CAMK2A: variants seen among roughly 807,000 people sequenced by gnomAD.
CAMK2A encodes calcium/calmodulin dependent protein kinase II alpha, also known as calcium/calmodulin-dependent protein kinase type II subunit alpha.
CAMK2A carries 7 observed loss-of-function variants against 79.2 expected under a neutral mutation model. The observed-to-expected ratio is 0.09, with a 90% confidence interval of 0.05 to 0.17. CAMK2A has a LOEUF of 0.17. Ranked by LOEUF, CAMK2A falls within the 10% of genes least tolerant of loss-of-function variation. The pLI, the probability that CAMK2A is intolerant of heterozygous loss-of-function variation, is 1.00. For missense variants in CAMK2A, 214 were observed against 646.4 expected (o/e 0.33, Z 7.25); for synonymous variants, 242 against 251.7 (o/e 0.96, Z 0.36).
At chr5:150,283,027 G>A (rs1757278668) in intron 1 of CAMK2A, among the ~76,000 whole-genome samples, 1 of 152,228 alleles carries the variant, frequency 6.6e-6, no homozygotes, top group African/African-American at 2.4e-5. Context: ...GCAGACATAA[G>A]ATGTTGGGGA....
intron 1 of CAMK2A, among the ~76,000 whole-genome samples, chr5:150,275,395 C>G (rs1242072220): frequency 6.6e-6 from 1 of 152,044 alleles, no homozygotes; most frequent in Non-Finnish European, 1.5e-5. Context: ...TTTTTCACAC[C>G]AACTGATGCT....
Position 150,253,434 on chromosome 5 carries a change from C to T in CAMK2A, c.514+10G>A, listed in dbSNP as rs1189685818. The T allele has an allele frequency of 1.2e-6, 2 of 1,607,488 alleles. No homozygotes were observed. Among genetic ancestry groups the T allele is most frequent in the South Asian group, 2.2e-5 (2 of 90,956 alleles). ...GACCCCCAACACTTCTGCCAGCCCACCCCACTTACCAAACCATGCCTGCTG... is the reference window on the plus strand; with the variant it reads ...GACCCCCAACACTTCTGCCAGCCCATCCCACTTACCAAACCATGCCTGCTG... On this transcript the variant is annotated intron_variant, in intron 7 of 18. Transcript: ENST00000671881.
rs1308961365 is a variant in CAMK2A, at chr5:150,284,185, CAG to C, written c.62+5377_62+5378del. 6.6e-6 allele frequency among the ~76,000 whole-genome samples: 1 copy of C among 152,010 alleles called. No individual in the cohort carries two copies. The highest frequency in any genetic ancestry group is 1.5e-5 in the Non-Finnish European group (1 of 67,972). ...CAGAGAGACAGAGACAGAGTGAGACCAGAGAGATGGAGAGAAGAACACAGAGA... is the reference window on the plus strand; with the variant it reads ...CAGAGAGACAGAGACAGAGTGAGACCAGAGATGGAGAGAAGAACACAGAGA... On this transcript the variant is annotated intron_variant, in intron 1 of 18. Transcript: ENST00000671881. This position sits in a 1 kb window ranked among gnomAD's most constrained non-coding sequence, Gnocchi z 5.3.
intron 7 of CAMK2A, 142 bp downstream of exon 7, chr5:150,253,302 G>A: frequency 1.2e-5 from 8 of 669,442 alleles, no homozygotes; most frequent in Non-Finnish European, 1.4e-5. Flanking sequence ...GGCTGGGTGG[G>A]ACAGGGCCTC....
At chr5:150,281,261 T>A (rs1370951080) in intron 1 of CAMK2A, among the ~76,000 whole-genome samples, 2 of 152,254 alleles carry the variant, frequency 1.3e-5, no homozygotes, top group Non-Finnish European at 2.9e-5. Flanking sequence ...TTCAGAAAGT[T>A]CCTGGTCAAA....
chr5:150,236,660 T>C (rs913072466), intron 15 of CAMK2A, among the ~76,000 whole-genome samples: 4 of 152,188 alleles, frequency 2.6e-5, no homozygotes, highest in African/African-American at 4.8e-5. Flanking sequence ...TCCAGTCTCC[T>C]CAACATCCCA....
At chr5:150,249,131 G>A (rs1480622050) in intron 11 of CAMK2A, among the ~76,000 whole-genome samples, 1 of 152,370 alleles carries the variant, frequency 6.6e-6, no homozygotes, top group East Asian at 1.9e-4. Flanking sequence ...GGGAGCAGCA[G>A]ATAAGGAGGT....
intron 15 of CAMK2A, among the ~76,000 whole-genome samples, chr5:150,237,615 C>T (rs1755139628): frequency 2.0e-5 from 3 of 152,192 alleles, no homozygotes; most frequent in Admixed American, 6.5e-5. Context: ...TGAGTTCAAA[C>T]CCTAGCCACA....
At chr5:150,271,077 T>C (rs1404951452) in intron 2 of CAMK2A, among the ~76,000 whole-genome samples, 2 of 152,158 alleles carry the variant, frequency 1.3e-5, no homozygotes, top group Non-Finnish European at 2.9e-5. Context: ...ATCTCAGGGA[T>C]TGGGACATCT....
At chr5:150,285,981 C>A (rs961752612) in intron 1 of CAMK2A, among the ~76,000 whole-genome samples, 2 of 152,170 alleles carry the variant, frequency 1.3e-5, no homozygotes, top group Non-Finnish European at 2.9e-5. Flanking sequence ...TCCGTGGCAA[C>A]CCCTTTGCCC....
intron 9 of CAMK2A, 79 bp from the exon 10 acceptor site, chr5:150,250,889 G>C: frequency 6.5e-7 from 1 of 1,527,688 alleles, no homozygotes; most frequent in Non-Finnish European, 9.0e-7. Flanking sequence ...GACTGGCAGG[G>C]GAGCAGGCAG....
At chr5:150,255,877 G>T (rs890894803) in intron 6 of CAMK2A, among the ~76,000 whole-genome samples, 2 of 152,176 alleles carry the variant, frequency 1.3e-5, no homozygotes, top group African/African-American at 4.8e-5. Context: ...GAACTCTTAG[G>T]CCTTAGTTTC....
chr5:150,221,375 T>C lies in CAMK2A; in HGVS notation c.*1335A>G, dbSNP rs78265902. On this transcript the variant is annotated 3_prime_UTR_variant, in exon 19 of 19. Coordinates refer to ENST00000671881, the MANE Select transcript of CAMK2A (RefSeq NM_015981.4). Reference sequence around the variant, plus strand: ...AGTAGAAATTCCCAGTGCTTTGCTGTGGTCATCAGACGCCAAGGGGAGAGA... The same window carrying C: ...AGTAGAAATTCCCAGTGCTTTGCTGCGGTCATCAGACGCCAAGGGGAGAGA... 38 of 398,554 alleles carry C rather than the reference T, an allele frequency of 9.5e-5. 1 individual carries two copies. The East Asian group carries it at 1.3e-3, about 13-fold the overall frequency. 24.7% of individuals were successfully genotyped at this position (398,554 alleles called of 1,614,324 possible). A position where few individuals can be genotyped will look rare whatever the true frequency, so the allele number is the denominator to read the frequency against.
intron 12 of CAMK2A, among the ~76,000 whole-genome samples, chr5:150,245,946 T>C (rs1247247993): frequency 6.6e-6 from 1 of 152,240 alleles, no homozygotes; most frequent in Non-Finnish European, 1.5e-5. Flanking sequence ...ATGGCCTGAA[T>C]GTCCAGCCCT....
At position 150,238,531 on chromosome 5, in the gene CAMK2A, C is replaced by T. The variant is rs1237495080; in HGVS notation, c.1066+169G>A. 1.1e-5 allele frequency: 8 copies of T among 725,730 alleles called. No individual in the cohort carries two copies. The Admixed American group carries it at 1.6e-4, about 15-fold the overall frequency. The allele number at this position is 725,730 out of a possible 1,614,324, so 45.0% of individuals were successfully genotyped here. ...TAGTTCCAGTACCACCCCCGCCCTC[C>T]ATGGGAATGATGCCTCCCAGTGTGC... On this transcript the variant is annotated intron_variant, in intron 15 of 18. Coordinates refer to ENST00000671881, the MANE Select transcript of CAMK2A (RefSeq NM_015981.4).
intron 7 of CAMK2A, 80 bp downstream of exon 7, chr5:150,253,364 G>T: frequency 8.7e-7 from 1 of 1,147,516 alleles, no homozygotes; most frequent in Non-Finnish European, 1.3e-6. Flanking sequence ...TACCCACTCA[G>T]GCAGGGGGTT....
intron 16 of CAMK2A, among the ~76,000 whole-genome samples, 184 bp downstream of exon 16, chr5:150,231,121 C>T (rs776238763): frequency 6.6e-6 from 1 of 151,982 alleles, no homozygotes; most frequent in Non-Finnish European, 1.5e-5. Context: ...AGCAGTGTCG[C>T]GAACAGAAAG....
At position 150,231,357 on chromosome 5, in the gene CAMK2A, C is replaced by G. The variant is rs1190483281; in HGVS notation, c.1090G>C (p.Val364Leu). Reference protein sequence around the residue: ...TKVRKQEIIKVTEQLIEAISN... With the variant: ...TKVRKQEIIKLTEQLIEAISN... ...ATGGCTTCAATCAGCTGCTCTGTCA[C>G]TTTTATAATTTCCTGTTTCCGCACT... Residue 364 changes from valine to leucine, a missense_variant, in exon 16 of 19, where the codon GTG becomes CTG. Coordinates refer to ENST00000671881, the MANE Select transcript of CAMK2A (RefSeq NM_015981.4). The G allele has an allele frequency of 6.3e-7, 1 of 1,586,268 alleles. No individual in the cohort carries two copies. Among genetic ancestry groups the G allele is most frequent in the Non-Finnish European group, 8.6e-7 (1 of 1,166,230 alleles).
At position 150,245,100 on chromosome 5, in the gene CAMK2A, G is replaced by A. The variant is rs140055001; in HGVS notation, c.984+61C>T. On this transcript the variant is annotated intron_variant, in intron 13 of 18. Coordinates refer to ENST00000671881, the MANE Select transcript of CAMK2A (RefSeq NM_015981.4). ...GGGTCTTGCTCCAGGCCTGAAAGCC[G>A]GTCTCTGTTGGCAGAAACGCTGCCA... 1.6e-4 allele frequency: 248 copies of A among 1,544,950 alleles called. 1 individual carries two copies. The East Asian group carries it at 4.5e-3, about 28-fold the overall frequency.
Sources: gnomAD v4.1 joint callset for allele counts (sites outside exome capture counted in the v4.1 genomes callset) on GRCh38, gnomAD v4.1.1 for gene constraint, Gnocchi (gnomAD v3.1) non-coding constraint, MANE v1.5 for transcripts, NCBI Gene and HGNC (gene_info 2026-07-23, HGNC 2026-07-21) for gene names.